IGF1R: variants seen among roughly 807,000 people sequenced by gnomAD.
The protein encoded by IGF1R is insulin-like growth factor 1 receptor.
A neutral mutation model predicts 144.6 loss-of-function variants in IGF1R; 44 were observed. The observed-to-expected ratio is 0.30, with a 90% CI of 0.24 to 0.39. The LOEUF is 0.39. Ranked by LOEUF, IGF1R falls within the 10% of genes least tolerant of loss-of-function variation. IGF1R has a pLI of 1.00. For missense variants in IGF1R, 1,355 were observed against 1,833.7 expected (o/e 0.74, Z 4.77); for synonymous variants, 795 against 722.8 (o/e 1.10, Z -1.60).
chr15:98,756,960 A>G (rs12442743), intron 2 of IGF1R, among the ~76,000 whole-genome samples: 45,758 of 152,160 alleles, frequency 0.3, 7,113 homozygotes, highest in South Asian at 0.41. Context: ...GGTATCTGAG[A>G]GGATTTATTA....
At chr15:98,832,353 T>C (rs987507417) in intron 2 of IGF1R, among the ~76,000 whole-genome samples, 2 of 151,946 alleles carry the variant, frequency 1.3e-5, no homozygotes, top group Admixed American at 1.3e-4. Context: ...CCCCACAGGG[T>C]CCCCAGCATA....
intron 2 of IGF1R, among the ~76,000 whole-genome samples, chr15:98,742,319 A>C (rs1224956027): frequency 1.3e-5 from 2 of 152,208 alleles, no homozygotes; most frequent in Non-Finnish European, 2.9e-5. Flanking sequence ...AATTTAATAA[A>C]ATTTGAAAAT....
At position 98,954,953 on chromosome 15, in the gene IGF1R, T is replaced by C. The variant is rs181864010; in HGVS notation, c.3723-2108T>C. On this transcript the variant is annotated intron_variant, in intron 20 of 20. Coordinates refer to ENST00000650285, the MANE Select transcript of IGF1R (RefSeq NM_000875.5). Reference sequence around the variant, plus strand: ...CCTGGTGGCCCCAGGGTTACTCTTATTTAGGTTGAGAAAAATTCCTTTTTC... The same window carrying C: ...CCTGGTGGCCCCAGGGTTACTCTTACTTAGGTTGAGAAAAATTCCTTTTTC... Among the ~76,000 whole-genome samples the C allele has an allele frequency of 4.8e-3, 727 of 152,266 alleles. 4 individuals carry two copies. Among genetic ancestry groups the C allele is most frequent in the Non-Finnish European group, 8.0e-3 (544 of 68,022 alleles).
intron 2 of IGF1R, among the ~76,000 whole-genome samples, chr15:98,794,622 C>G (rs184284661): frequency 6.6e-6 from 1 of 152,128 alleles, no homozygotes; most frequent in Non-Finnish European, 1.5e-5. Flanking sequence ...GTTCCATTTC[C>G]CAAGTAATGT....
At chr15:98,755,214 C>G (rs940658094) in intron 2 of IGF1R, among the ~76,000 whole-genome samples, 1 of 151,514 alleles carries the variant, frequency 6.6e-6, no homozygotes, top group African/African-American at 2.4e-5. Context: ...AACATTTTTA[C>G]TTTTTCTCGG....
chr15:98,945,675 C>T (rs1039901949), intron 19 of IGF1R, among the ~76,000 whole-genome samples: 1 of 152,038 alleles, frequency 6.6e-6, no homozygotes, highest in Non-Finnish European at 1.5e-5. Context: ...CTCTGGCCTT[C>T]GGTTGCTCCA....
chr15:98,817,185 C>T (rs190658921), intron 2 of IGF1R, among the ~76,000 whole-genome samples: 5 of 152,044 alleles, frequency 3.3e-5, no homozygotes, highest in African/African-American at 1.2e-4. Flanking sequence ...GCTTGTAATC[C>T]CAGCTACTCG....
chr15:98,878,730 G>C (rs28667970), intron 2 of IGF1R, among the ~76,000 whole-genome samples: 1 of 142,344 alleles, frequency 7.0e-6, no homozygotes, highest in African/African-American at 2.7e-5. Flanking sequence ...CGGTGGCTCA[G>C]ACCTATAATC....
intron 2 of IGF1R, among the ~76,000 whole-genome samples, chr15:98,712,955 TGTAGC>T (rs759903138): frequency 8.0e-5 from 12 of 149,902 alleles, no homozygotes; most frequent in Admixed American, 3.3e-4. Flanking sequence ...CCTGAAATCC[TGTAGC>T]AAGTCCCTAT....
chr15:98,735,227 ACTTT>A (rs1246279545), intron 2 of IGF1R, among the ~76,000 whole-genome samples: 6 of 152,152 alleles, frequency 3.9e-5, no homozygotes, highest in South Asian at 4.1e-4. Context: ...AAGTACCTTG[ACTTT>A]CATTTCCCAG....
At chr15:98,675,538 C>T (rs545288096) in intron 1 of IGF1R, among the ~76,000 whole-genome samples, 2 of 152,262 alleles carry the variant, frequency 1.3e-5, no homozygotes, top group South Asian at 4.1e-4. Context: ...TTGAGCTTTG[C>T]AATTTTAGCA....
intron 2 of IGF1R, among the ~76,000 whole-genome samples, chr15:98,717,630 A>G (rs2054150189): frequency 6.6e-6 from 1 of 152,130 alleles, no homozygotes; most frequent in Admixed American, 6.5e-5. Flanking sequence ...GAGTCACCCT[A>G]GTCATATGTA....
At chr15:98,667,117 A>G (rs1248142944) in intron 1 of IGF1R, among the ~76,000 whole-genome samples, 1 of 152,208 alleles carries the variant, frequency 6.6e-6, no homozygotes, top group Non-Finnish European at 1.5e-5. Context: ...TCTGTTTTCT[A>G]TATCAAGAGA....
intron 2 of IGF1R, among the ~76,000 whole-genome samples, chr15:98,752,419 C>T (rs564835654): frequency 6.6e-6 from 1 of 152,228 alleles, no homozygotes; most frequent in African/African-American, 2.4e-5. Context: ...CACTGTGGCT[C>T]CCGCCTGTAA....
At chr15:98,743,724 T>C (rs1325170570) in intron 2 of IGF1R, among the ~76,000 whole-genome samples, 1 of 152,048 alleles carries the variant, frequency 6.6e-6, no homozygotes, top group African/African-American at 2.4e-5. Flanking sequence ...CATATTTCCA[T>C]TAAAAAATTC....
At chr15:98,753,140 G>A (rs2055059152) in intron 2 of IGF1R, among the ~76,000 whole-genome samples, 1 of 151,714 alleles carries the variant, frequency 6.6e-6, no homozygotes, top group Non-Finnish European at 1.5e-5. Flanking sequence ...CACCATGTTA[G>A]CCAGGATGGT....
intron 2 of IGF1R, among the ~76,000 whole-genome samples, chr15:98,744,744 G>A (rs1036627125): frequency 6.6e-6 from 1 of 151,608 alleles, no homozygotes; most frequent in African/African-American, 2.4e-5. Context: ...TAAACATGAC[G>A]GTAATGCAAA....
intron 2 of IGF1R, among the ~76,000 whole-genome samples, chr15:98,820,389 T>C (rs943087839): frequency 6.6e-6 from 1 of 152,170 alleles, no homozygotes; most frequent in African/African-American, 2.4e-5. Context: ...AAAGGAAACA[T>C]TTCTAAAGGA....
At chr15:98,932,838 AAAC>A (rs1163598450) in intron 15 of IGF1R, among the ~76,000 whole-genome samples, 1 of 152,250 alleles carries the variant, frequency 6.6e-6, no homozygotes, top group Non-Finnish European at 1.5e-5. Context: ...GTAGGAAAGA[AAAC>A]AAGATTATTA....
Sources: allele counts gnomAD v4.1 joint callset (sites outside exome capture counted in the v4.1 genomes callset), GRCh38; gene constraint gnomAD v4.1.1; transcripts MANE v1.5; gene names NCBI Gene and HGNC (gene_info 2026-07-23, HGNC 2026-07-21).